Variants in CDH22 observed in about 807,000 individuals in gnomAD.
The protein encoded by CDH22 is cadherin-22.
CDH22 carries 30 observed loss-of-function variants against 58.4 expected under a neutral mutation model. The ratio of observed to expected loss-of-function variants is 0.51; its 90% confidence interval spans 0.38 to 0.70. CDH22 has a LOEUF of 0.70. Ranked by LOEUF, CDH22 falls within the 30% of genes least tolerant of loss-of-function variation. The pLI, the probability that CDH22 is intolerant of heterozygous loss-of-function variation, is 0.00. For missense variants in CDH22, 1,014 were observed against 1,233.9 expected, an observed-to-expected ratio of 0.82 and a Z score of 2.67; for synonymous variants, 513 against 558.2, an observed-to-expected ratio of 0.92 and a Z score of 1.14.
chr20:46,199,520 G>C lies in CDH22; in HGVS notation c.1326C>G (p.Phe442Leu). 1.2e-6 allele frequency: 2 copies of C among 1,613,906 alleles called. No homozygotes were observed. The highest frequency in any genetic ancestry group is 1.7e-6 in the Non-Finnish European group (2 of 1,179,982). Residue 442 changes from phenylalanine to leucine, a missense_variant, in exon 8 of 12, where the codon TTC becomes TTG. Transcript: ENST00000537909. ...TGGCGCCTGTGTCCGCATCGATATC[G>C]AAGATCTGGTCCAAATCTGATTCGC... ...IDRESDLDQI[F>L]DIDADTGAIV... is the part of the protein sequence containing the mutation.
chr20:46,279,244 G>A (rs944496981), intron 1 of CDH22, among the ~76,000 whole-genome samples: 1 of 152,192 alleles, frequency 6.6e-6, no homozygotes, highest in Admixed American at 6.5e-5. Context: ...CCCCACCCTG[G>A]TCCATTAACG....
In CDH22 at chr20:46,210,678, C is replaced by T. The variant is rs770089722; in HGVS notation, c.1033-118G>A. The T allele has an allele frequency of 5.9e-6, 6 of 1,009,544 alleles. No homozygotes were observed. The highest frequency in any genetic ancestry group is 7.1e-5 in the Admixed American group (2 of 28,272). 62.5% of individuals were successfully genotyped at this position (1,009,544 alleles called of 1,614,324 possible). On this transcript the variant is annotated intron_variant, in intron 6 of 11. Coordinates refer to ENST00000537909, the MANE Select transcript of CDH22 (RefSeq NM_021248.3). This position sits in a 1 kb window ranked among gnomAD's most constrained non-coding sequence, Gnocchi z 4.5. ...AGGTCACACGTTGTCTCAGCAGGGG[C>T]GGCAGGGATGTTTGGGCTGCATTGC...
At chr20:46,184,193 G>A (rs894657850) in intron 10 of CDH22, among the ~76,000 whole-genome samples, 1 of 151,812 alleles carries the variant, frequency 6.6e-6, no homozygotes, top group Admixed American at 6.6e-5. Context: ...CCGCCTCCTG[G>A]GTTCAAGCAA....
chr20:46,212,109 A>T (rs1212168056), intron 6 of CDH22, among the ~76,000 whole-genome samples: 1 of 152,184 alleles, frequency 6.6e-6, no homozygotes, highest in Non-Finnish European at 1.5e-5. Flanking sequence ...CCAGGTAAAG[A>T]GCGGGTCATT....
chr20:46,275,509 G>A (rs926186870), intron 1 of CDH22, among the ~76,000 whole-genome samples: 2 of 152,140 alleles, frequency 1.3e-5, no homozygotes, highest in Admixed American at 6.6e-5. Context: ...ACTTATTTAT[G>A]ATGCTTATTT....
intron 1 of CDH22, among the ~76,000 whole-genome samples, chr20:46,264,895 A>G (rs372472550): frequency 9.1e-4 from 138 of 152,148 alleles, no homozygotes; most frequent in African/African-American, 3.3e-3. Flanking sequence ...CCGTGCGCGC[A>G]CACACACCGT....
chr20:46,174,438 G>T lies in CDH22; in HGVS notation c.*68C>A. On this transcript the variant is annotated 3_prime_UTR_variant, in exon 12 of 12. Coordinates refer to ENST00000537909, the MANE Select transcript of CDH22 (RefSeq NM_021248.3). The surrounding 1 kb of genome is among the most constrained non-coding windows in gnomAD (Gnocchi z 4.4). ...AGGAAAGGGGGTCCGCGGGGGAAAC[G>T]CGTTGTCCTGGGGCCCCGGCGTGTG... The T allele has an allele frequency of 9.0e-7, 1 of 1,114,194 alleles. No homozygotes were observed. The highest frequency in any genetic ancestry group is 1.2e-6 in the Non-Finnish European group (1 of 829,418). 69.0% of individuals were successfully genotyped at this position (1,114,194 alleles called of 1,614,324 possible).
intron 5 of CDH22, among the ~76,000 whole-genome samples, chr20:46,215,346 G>A (rs948194425): frequency 2.6e-5 from 4 of 152,130 alleles, no homozygotes; most frequent in African/African-American, 9.7e-5. Flanking sequence ...AGCAACATAA[G>A]TTCATAAACA....
intron 7 of CDH22, among the ~76,000 whole-genome samples, chr20:46,204,587 A>G (rs1357722480): frequency 1.6e-4 from 24 of 152,164 alleles, no homozygotes; most frequent in Admixed American, 1.6e-3. Flanking sequence ...AGATACTGTC[A>G]TCACTCTCAT....
intron 1 of CDH22, among the ~76,000 whole-genome samples, chr20:46,306,101 C>T (rs1313216294): frequency 2.0e-5 from 3 of 152,270 alleles, no homozygotes; most frequent in African/African-American, 4.8e-5. Context: ...CATTCAACAG[C>T]TTTCCTCCGG....
intron 6 of CDH22, among the ~76,000 whole-genome samples, chr20:46,212,539 C>T (rs914257810): frequency 6.6e-6 from 1 of 152,202 alleles, no homozygotes; most frequent in Non-Finnish European, 1.5e-5. Flanking sequence ...TTTGGAGTCA[C>T]TAGACCTGGG....
chr20:46,239,326 G>A (rs969059396), intron 3 of CDH22, among the ~76,000 whole-genome samples: 4 of 152,220 alleles, frequency 2.6e-5, no homozygotes, highest in African/African-American at 4.8e-5. Context: ...GTTTGTGTGT[G>A]CACATCTGCA....
chr20:46,210,311 C>A lies in CDH22; in HGVS notation c.1282G>T (p.Val428Phe). ...ARDPDAANRP[V>F]RYAIDRESDL... ...GGCCCCGGGCGGGGGTCTCACCGGA[C>A]GGGCCGGTTGGCGGCGTCGGGGTCC... The change falls in exon 7 of 12, where the codon GTC becomes TTC. Residue 428 changes from valine (V) to phenylalanine (F), a missense_variant. Val to Phe is a conservative substitution (Grantham distance 50). Transcript: ENST00000537909. The surrounding 1 kb of genome is among the most constrained non-coding windows in gnomAD (Gnocchi z 4.5). 1 of 1,438,764 alleles carries A rather than the reference C, an allele frequency of 7.0e-7. No individual in the cohort carries two copies. The highest frequency in any genetic ancestry group is 9.1e-7 in the Non-Finnish European group (1 of 1,101,718). 89.1% of individuals were successfully genotyped at this position (1,438,764 alleles called of 1,614,324 possible).
chr20:46,274,560 GC>G (rs1031687851), intron 1 of CDH22, among the ~76,000 whole-genome samples: 7 of 152,154 alleles, frequency 4.6e-5, no homozygotes, highest in African/African-American at 1.7e-4. Flanking sequence ...ATACGATCCA[GC>G]AGTTTCATTC....
chr20:46,294,523 C>A (rs1207303057), intron 1 of CDH22, among the ~76,000 whole-genome samples: 2 of 152,192 alleles, frequency 1.3e-5, no homozygotes, highest in East Asian at 3.8e-4. Context: ...ATTGTTATTT[C>A]AATTACACGG....
chr20:46,238,865 T>C (rs1211820798), intron 3 of CDH22, among the ~76,000 whole-genome samples: 1 of 152,210 alleles, frequency 6.6e-6, no homozygotes, highest in Non-Finnish European at 1.5e-5. Flanking sequence ...AGCCATGGGG[T>C]CCTGATCATG....
At chr20:46,178,561 GC>G (rs1223957277) in intron 10 of CDH22, among the ~76,000 whole-genome samples, 1 of 147,052 alleles carries the variant, frequency 6.8e-6, no homozygotes, top group East Asian at 2.0e-4. Context: ...CCCCAGCTAG[GC>G]CAAGGTCCTG....
chr20:46,286,145 C>T (rs531126379), intron 1 of CDH22, among the ~76,000 whole-genome samples: 2 of 151,254 alleles, frequency 1.3e-5, no homozygotes, highest in East Asian at 2.0e-4. Flanking sequence ...GGAGCACTTA[C>T]TGTATGCTTT....
chr20:46,181,599 C>T (rs1383245603), intron 10 of CDH22, among the ~76,000 whole-genome samples: 1 of 146,722 alleles, frequency 6.8e-6, no homozygotes, highest in Non-Finnish European at 1.5e-5. Context: ...CCCTTCCTTC[C>T]CTTCCTTCCT....
Sources: allele counts gnomAD v4.1 joint callset (sites outside exome capture counted in the v4.1 genomes callset), GRCh38; gene constraint gnomAD v4.1.1; non-coding constraint Gnocchi (gnomAD v3.1); transcripts MANE v1.5; gene names NCBI Gene and HGNC (gene_info 2026-07-23, HGNC 2026-07-21).